Variants in CCDC3 observed in about 807,000 individuals in gnomAD.
CCDC3 encodes the protein coiled-coil domain containing 3.
A neutral mutation model predicts 21.4 loss-of-function variants in CCDC3; 24 were observed. The ratio of observed to expected loss-of-function variants is 1.12; its 90% CI spans 0.81 to 1.58. The LOEUF (loss-of-function observed/expected upper bound fraction) is 1.58. CCDC3 is among the 40% of genes most tolerant of loss of function. The probability of loss-of-function intolerance (pLI) is 0.00; values close to 1 mark genes in which losing one functional copy is unlikely to be tolerated. For missense variants in CCDC3, 425 were observed against 360.9 expected (o/e 1.18, Z -1.44); for synonymous variants, 186 against 166.0 (o/e 1.12, Z -0.93).
chr10:12,965,993 A>G (rs1308688494), intron 2 of CCDC3, among the ~76,000 whole-genome samples: 1 of 152,164 alleles, frequency 6.6e-6, no homozygotes, highest in African/African-American at 2.4e-5. Context: ...TTTCTCCAGC[A>G]CAGAGTGAAT....
At chr10:12,925,205 G>A (rs1834516478) in intron 2 of CCDC3, among the ~76,000 whole-genome samples, 1 of 152,210 alleles carries the variant, frequency 6.6e-6, no homozygotes, top group Admixed American at 6.5e-5. Flanking sequence ...AAGTAGGCAG[G>A]TGGGGAGTGG....
At chr10:12,931,320 AATTAACT>A (rs1564288396) in intron 2 of CCDC3, among the ~76,000 whole-genome samples, 1 of 152,062 alleles carries the variant, frequency 6.6e-6, no homozygotes, top group Non-Finnish European at 1.5e-5. Context: ...TTTAATTTCT[AATTAACT>A]ATTTACAATG....
intron 4 of CCDC3, chr10:13,057,958 G>T: frequency 3.2e-6 from 2 of 617,846 alleles, no homozygotes; most frequent in South Asian, 1.8e-5. Context: ...GAGCTTTCTT[G>T]TGTATCTCCT....
intron 2 of CCDC3, among the ~76,000 whole-genome samples, chr10:12,966,450 C>T (rs1382218598): frequency 6.6e-6 from 1 of 152,114 alleles, no homozygotes; most frequent in Middle Eastern, 3.2e-3. Context: ...CACACCCCTC[C>T]GGGAACAGGC....
rs112177331 is a variant in CCDC3, at chr10:12,915,877, C to T, written c.550-17198G>A. ...GGCCTGGAGCCTGAGTCCATGAAGG[C>T]AACCCTTGGTCTTGAGACCATGGGT... On this transcript the variant is annotated intron_variant, in intron 2 of 2. Coordinates refer to ENST00000378825, the MANE Select transcript of CCDC3 (RefSeq NM_031455.4). Among the ~76,000 whole-genome samples the T allele has an allele frequency of 5.7e-3, 861 of 152,254 alleles. 7 individuals carry two copies. Among genetic ancestry groups the T allele is most frequent in the African/African-American group, 0.02 (814 of 41,560 alleles).
At chr10:12,927,893 C>G (rs1234716463) in intron 2 of CCDC3, among the ~76,000 whole-genome samples, 1 of 152,202 alleles carries the variant, frequency 6.6e-6, no homozygotes, top group Non-Finnish European at 1.5e-5. Flanking sequence ...TTCTATCAAT[C>G]TCAAACTACA....
intron 4 of CCDC3, among the ~76,000 whole-genome samples, chr10:13,059,584 C>A (rs1836727896): frequency 6.6e-6 from 1 of 152,102 alleles, no homozygotes; most frequent in Admixed American, 6.6e-5. Context: ...ATCGTTAACA[C>A]CCAAATTCAC....
At chr10:12,941,574 G>C (rs773439641) in intron 2 of CCDC3, among the ~76,000 whole-genome samples, 2 of 152,108 alleles carry the variant, frequency 1.3e-5, no homozygotes, top group Non-Finnish European at 2.9e-5. Context: ...ATCTGGGAGA[G>C]GATTCATCAC....
At chr10:12,957,142 G>T (rs1835101496) in intron 2 of CCDC3, among the ~76,000 whole-genome samples, 1 of 152,010 alleles carries the variant, frequency 6.6e-6, no homozygotes, top group South Asian at 2.1e-4. Context: ...ACTTCCAAAG[G>T]GTCAGTTAGC....
chr10:12,992,716 G>C (rs77951227), intron 2 of CCDC3, among the ~76,000 whole-genome samples: 1 of 152,070 alleles, frequency 6.6e-6, no homozygotes. Flanking sequence ...CACTGCTCAC[G>C]AGATGGGTGC....
intron 2 of CCDC3, among the ~76,000 whole-genome samples, chr10:12,949,749 T>TA (rs1177037240): frequency 1.2e-4 from 18 of 152,330 alleles, no homozygotes; most frequent in Admixed American, 9.2e-4. Flanking sequence ...AGCAAAAGAC[T>TA]ATTCCAGTCT....
intron 2 of CCDC3, among the ~76,000 whole-genome samples, chr10:12,905,908 A>G (rs961064092): frequency 1.3e-5 from 2 of 152,330 alleles, no homozygotes; most frequent in South Asian, 4.1e-4. Context: ...GGCCCCGTAG[A>G]GGGCAGAGGC....
rs1427011043 is a variant in CCDC3 at position 13,074,341 on chromosome 10, TTTTTTTTTTTTTTTTTTTTTTTG to T, written c.-502-264_-502-242del. ...TCCCGGCTAATTTTTTTTTTTTTTT[TTTTTTTTTTTTTTTTTTTTTTTG>T]TAGTAGAGACGGGGTTTTTCCATAT... On this transcript the variant is annotated intron_variant, in intron 3 of 6. Transcript: ENST00000378839. 4.9e-3 allele frequency among the ~76,000 whole-genome samples: 392 copies of T among 79,656 alleles called. 1 individual carries two copies. The highest frequency in any genetic ancestry group is 0.024 in the African/African-American group (373 of 15,734). 52.3% of individuals were successfully genotyped at this position (79,656 alleles called of 152,430 possible).
chr10:13,089,175 T>C (rs28516700), intron 3 of CCDC3, among the ~76,000 whole-genome samples: 31,256 of 152,096 alleles, frequency 0.21, 3,711 homozygotes, highest in East Asian at 0.31. Flanking sequence ...AGATAGTGGC[T>C]AACTCTTTAG....
intron 2 of CCDC3, among the ~76,000 whole-genome samples, chr10:12,960,044 C>T (rs1021497785): frequency 6.6e-6 from 1 of 152,110 alleles, no homozygotes; most frequent in Admixed American, 6.5e-5. Flanking sequence ...ATCCCAGCTA[C>T]TTGGGAGGCT....
At chr10:13,063,433 ACAT>A (rs946626060) in intron 4 of CCDC3, among the ~76,000 whole-genome samples, 4 of 152,170 alleles carry the variant, frequency 2.6e-5, no homozygotes, top group African/African-American at 9.7e-5. Flanking sequence ...ACCTTCCTTA[ACAT>A]CAGAGCTCAT....
intron 5 of CCDC3, among the ~76,000 whole-genome samples, chr10:13,026,887 C>T (rs1169756092): frequency 3.0e-5 from 4 of 131,776 alleles, no homozygotes; most frequent in East Asian, 2.4e-4. Flanking sequence ...CTGCCTGGGC[C>T]GCCCCCGAGG....
chr10:13,058,141 T>C, intron 4 of CCDC3: 3 of 873,052 alleles, frequency 3.4e-6, no homozygotes. Flanking sequence ...AACCAGGGAA[T>C]CATTTGGTAT....
At chr10:13,077,664 T>C (rs1836983504) in intron 3 of CCDC3, among the ~76,000 whole-genome samples, 1 of 152,034 alleles carries the variant, frequency 6.6e-6, no homozygotes, top group Non-Finnish European at 1.5e-5. Flanking sequence ...AACAGAGATA[T>C]AGACCAATGG....
Sources: gnomAD v4.1 joint callset for allele counts (sites outside exome capture counted in the v4.1 genomes callset) on GRCh38, gnomAD v4.1.1 for gene constraint, MANE v1.5 for transcripts, NCBI Gene and HGNC (gene_info 2026-07-23, HGNC 2026-07-21) for gene names.